CRPPA: variants seen among roughly 807,000 people sequenced by gnomAD.
The protein encoded by CRPPA is CDP-L-ribitol pyrophosphorylase A.
A neutral mutation model predicts 52.0 loss-of-function variants in CRPPA; 43 were observed. The observed-to-expected ratio is 0.83, with a 90% CI of 0.65 to 1.07. CRPPA has a LOEUF of 1.07. Ranked by LOEUF, CRPPA falls within the 50% of genes least tolerant of loss-of-function variation. CRPPA has a pLI of 0.00. For missense variants in CRPPA, 629 were observed against 551.7 expected, an observed-to-expected ratio of 1.14 and a Z score of -1.40; for synonymous variants, 250 against 203.5, an observed-to-expected ratio of 1.23 and a Z score of -1.94.
intron 3 of CRPPA, among the ~76,000 whole-genome samples, chr7:16,347,104 T>C (rs1786032101): frequency 6.6e-6 from 1 of 152,026 alleles, no homozygotes; most frequent in Admixed American, 6.6e-5. Flanking sequence ...TTACATAGGT[T>C]AGCTCATCCA....
At chr7:16,307,793 C>T (rs187523554) in intron 4 of CRPPA, among the ~76,000 whole-genome samples, 8 of 151,950 alleles carry the variant, frequency 5.3e-5, no homozygotes, top group Non-Finnish European at 1.0e-4. Flanking sequence ...GCTACCACCC[C>T]CACTGGGTTG....
chr7:16,182,694 C>T (rs1781434550), intron 9 of CRPPA, among the ~76,000 whole-genome samples: 1 of 152,100 alleles, frequency 6.6e-6, no homozygotes, highest in Non-Finnish European at 1.5e-5. Context: ...AGCCCTGATT[C>T]CCCAATTCTC....
rs35595388 is a variant in CRPPA at position 16,124,107 on chromosome 7, C to CTTT, written c.1252-32311_1252-32309dup. On this transcript the variant is annotated intron_variant, in intron 9 of 9. Transcript: ENST00000407010. Reference sequence around the variant, plus strand: ...TGGATCATATAGGCTCAATTTCTTTCTTTTTTTATTTTTTTTTTGAGGAAC... The same window carrying CTTT: ...TGGATCATATAGGCTCAATTTCTTTCTTTTTTTTTTATTTTTTTTTTGAGGAAC... Among the ~76,000 whole-genome samples, 116 of 133,558 alleles carry CTTT rather than the reference C, an allele frequency of 8.7e-4. 11 individuals carry two copies. Among genetic ancestry groups the CTTT allele is most frequent in the East Asian group, 5.7e-3 (26 of 4,552 alleles). 87.6% of individuals were successfully genotyped at this position (133,558 alleles called of 152,430 possible).
intron 2 of CRPPA, among the ~76,000 whole-genome samples, chr7:16,386,367 T>G (rs1787271369): frequency 6.6e-6 from 1 of 152,104 alleles, no homozygotes; most frequent in South Asian, 2.1e-4. Context: ...AGGTACAGGA[T>G]AGGGAAGGTG....
chr7:16,367,947 G>A (rs1012751720), intron 3 of CRPPA, among the ~76,000 whole-genome samples: 2 of 152,098 alleles, frequency 1.3e-5, no homozygotes, highest in Admixed American at 1.3e-4. Flanking sequence ...GACTGATTCT[G>A]TCACTGGCTG....
At chr7:16,412,238 TAG>T (rs1462713508) in intron 1 of CRPPA, among the ~76,000 whole-genome samples, 1 of 152,208 alleles carries the variant, frequency 6.6e-6, no homozygotes, top group Non-Finnish European at 1.5e-5. Context: ...CGGGTCCCAT[TAG>T]AGTGTCATAA....
intron 8 of CRPPA, among the ~76,000 whole-genome samples, chr7:16,222,387 A>T (rs939385391): frequency 6.6e-6 from 1 of 150,508 alleles, no homozygotes; most frequent in Non-Finnish European, 1.5e-5. Context: ...TGGCACATGT[A>T]TACATATGTA....
intron 9 of CRPPA, among the ~76,000 whole-genome samples, chr7:16,143,887 G>A (rs1257901518): frequency 1.3e-5 from 2 of 152,082 alleles, no homozygotes; most frequent in Non-Finnish European, 2.9e-5. Context: ...AAAGAAAGGT[G>A]GGTAATGTCA....
chr7:16,263,735 G>C (rs1160560487), intron 6 of CRPPA, among the ~76,000 whole-genome samples: 5 of 149,018 alleles, frequency 3.4e-5, no homozygotes, highest in African/African-American at 7.4e-5. Flanking sequence ...CTTGGCGACA[G>C]AGTAAAACTC....
chr7:16,171,455 G>A (rs1255646874), intron 9 of CRPPA, among the ~76,000 whole-genome samples: 1 of 152,004 alleles, frequency 6.6e-6, no homozygotes, highest in Admixed American at 6.6e-5. Context: ...AAGAAAATTT[G>A]TTTAGAACAA....
intron 9 of CRPPA, among the ~76,000 whole-genome samples, chr7:16,132,079 C>G (rs1461910789): frequency 6.6e-6 from 1 of 152,138 alleles, no homozygotes; most frequent in African/African-American, 2.4e-5. Context: ...TGGGGAACCA[C>G]CTCCTGCCTG....
At chr7:16,161,454 G>C (rs1022868270) in intron 9 of CRPPA, among the ~76,000 whole-genome samples, 1 of 152,134 alleles carries the variant, frequency 6.6e-6, no homozygotes, top group Non-Finnish European at 1.5e-5. Context: ...TGTGGTTTTT[G>C]TCATTGGTTC....
At chr7:16,285,397 A>T (rs1401959550) in intron 5 of CRPPA, among the ~76,000 whole-genome samples, 1 of 152,192 alleles carries the variant, frequency 6.6e-6, no homozygotes, top group African/African-American at 2.4e-5. Flanking sequence ...TTTTTACACT[A>T]TCCTATTTTT....
chr7:16,233,364 T>A (rs771882078), intron 8 of CRPPA, among the ~76,000 whole-genome samples: 1 of 152,106 alleles, frequency 6.6e-6, no homozygotes, highest in Non-Finnish European at 1.5e-5. Context: ...AGAAAAATCT[T>A]AGGCAAAGAA....
At chr7:16,211,060 G>A (rs1348840473) in intron 9 of CRPPA, among the ~76,000 whole-genome samples, 2 of 152,110 alleles carry the variant, frequency 1.3e-5, no homozygotes, top group Non-Finnish European at 2.9e-5. Flanking sequence ...TACACATGAT[G>A]TGAATGGATC....
chr7:16,420,599 C>T (rs1239347791), intron 1 of CRPPA, among the ~76,000 whole-genome samples: 2 of 152,192 alleles, frequency 1.3e-5, no homozygotes, highest in Admixed American at 1.3e-4. Context: ...GTAATTAGCG[C>T]AGCCTGTCTC....
chr7:16,103,463 AG>A (rs1032361098), intron 9 of CRPPA, among the ~76,000 whole-genome samples: 2 of 152,220 alleles, frequency 1.3e-5, no homozygotes, highest in African/African-American at 4.8e-5. Context: ...TTTTAAAAAA[AG>A]AAATATCAAA....
In CRPPA at chr7:16,216,054, C is replaced by A; in HGVS notation, c.1251+12G>T. ...ACAGAACATACATTCGGAAGATAAA[C>A]ATTTTACCTACCTGTGGGTAAGATA... On this transcript the variant is annotated intron_variant, in intron 9 of 9. Coordinates refer to ENST00000407010, the MANE Select transcript of CRPPA (RefSeq NM_001101426.4). 1.3e-6 allele frequency: 2 copies of A among 1,568,896 alleles called. No homozygotes were observed. The highest frequency in any genetic ancestry group is 1.7e-6 in the Non-Finnish European group (2 of 1,158,800).
chr7:16,258,355 T>C, intron 8 of CRPPA, 35 bp downstream of exon 8: 1 of 1,318,580 alleles, frequency 7.6e-7, no homozygotes, highest in Non-Finnish European at 1.1e-6. Context: ...GAAGGAAGCA[T>C]AAGTTTGAGA....
Sources: gnomAD v4.1 joint callset for allele counts (sites outside exome capture counted in the v4.1 genomes callset) on GRCh38, gnomAD v4.1.1 for gene constraint, MANE v1.5 for transcripts, NCBI Gene and HGNC (gene_info 2026-07-23, HGNC 2026-07-21) for gene names.